XKR4: variants seen among roughly 807,000 people sequenced by gnomAD.
The protein encoded by XKR4 is XK related 4.
XKR4 carries 12 observed loss-of-function variants against 53.9 expected under a neutral mutation model. That is an observed-to-expected ratio of 0.22 (90% CI 0.14 to 0.36). The LOEUF is 0.36. XKR4 is among the 10% of genes least tolerant of loss of function. The probability of loss-of-function intolerance (pLI) is 1.00; values close to 1 mark genes in which losing one functional copy is unlikely to be tolerated. For missense variants in XKR4, 799 were observed against 859.5 expected (o/e 0.93, Z 0.88); for synonymous variants, 354 against 362.4 (o/e 0.98, Z 0.26).
intron 2 of XKR4, among the ~76,000 whole-genome samples, chr8:55,359,870 G>T (rs1039654451): frequency 1.3e-5 from 2 of 152,128 alleles, no homozygotes; most frequent in African/African-American, 4.8e-5. Flanking sequence ...TAGGAACCAA[G>T]AGTTAAGTTG....
chr8:55,453,324 G>T, intron 2 of XKR4: 1 of 480,746 alleles, frequency 2.1e-6, no homozygotes, highest in East Asian at 6.6e-5. Context: ...AAGTCAAACT[G>T]CTGGTGGTCC....
intron 2 of XKR4, among the ~76,000 whole-genome samples, chr8:55,514,983 C>T (rs1338377181): frequency 6.6e-6 from 1 of 152,144 alleles, no homozygotes; most frequent in Non-Finnish European, 1.5e-5. Flanking sequence ...TGGAATGGAG[C>T]TATGTGAGAT....
intron 1 of XKR4, among the ~76,000 whole-genome samples, chr8:55,324,200 A>G (rs1162572597): frequency 2.0e-5 from 3 of 152,114 alleles, no homozygotes; most frequent in Admixed American, 1.3e-4. Flanking sequence ...AACTCAAGCA[A>G]TCCTCCCACC....
At chr8:55,135,518 T>A (rs1358301891) in intron 1 of XKR4, 1 of 443,048 alleles carries the variant, frequency 2.3e-6, no homozygotes, top group East Asian at 7.1e-5. Context: ...TAATGTTAAC[T>A]CTTTTCCCTC....
intron 1 of XKR4, among the ~76,000 whole-genome samples, chr8:55,252,020 CA>C (rs1320894106): frequency 6.6e-5 from 10 of 152,314 alleles, no homozygotes; most frequent in African/African-American, 2.4e-4. Flanking sequence ...TGTATTTCTA[CA>C]GAAGTATCAG....
intron 1 of XKR4, among the ~76,000 whole-genome samples, chr8:55,117,994 C>A (rs890296057): frequency 6.6e-6 from 1 of 152,134 alleles, no homozygotes; most frequent in Non-Finnish European, 1.5e-5. Context: ...ATTTCCGGAT[C>A]TTTTCTAGTT....
chr8:55,305,638 T>C (rs1430112980), intron 1 of XKR4, among the ~76,000 whole-genome samples: 2 of 152,182 alleles, frequency 1.3e-5, no homozygotes, highest in African/African-American at 2.4e-5. Context: ...AGGATTAAAT[T>C]TGACATATTT....
rs527871233 is a variant in XKR4 at position 55,296,557 on chromosome 8, T to A, written c.807-61121T>A. Among the ~76,000 whole-genome samples the A allele has an allele frequency of 3.9e-5, 6 of 152,278 alleles. 1 individual carries two copies. In the South Asian group the frequency reaches 1.2e-3, roughly 32 times the overall value. ...TTTTTTTTCTTATGGAGAAAACAAATACAGATACCACACAGAAACCAAGCT... is the reference window on the plus strand; with the variant it reads ...TTTTTTTTCTTATGGAGAAAACAAAAACAGATACCACACAGAAACCAAGCT... On this transcript the variant is annotated intron_variant, in intron 1 of 2. Transcript: ENST00000327381.
At chr8:55,355,738 T>C (rs925996043) in intron 1 of XKR4, among the ~76,000 whole-genome samples, 1 of 152,198 alleles carries the variant, frequency 6.6e-6, no homozygotes, top group African/African-American at 2.4e-5. Flanking sequence ...AATAAATAAA[T>C]GGCAGATCTT....
chr8:55,269,596 T>G (rs1818658511), intron 1 of XKR4, among the ~76,000 whole-genome samples: 2 of 152,122 alleles, frequency 1.3e-5, no homozygotes, highest in South Asian at 4.1e-4. Flanking sequence ...GAGGAGGGAT[T>G]ATAAAGAGTT....
chr8:55,328,728 C>T (rs1763142218), intron 1 of XKR4, among the ~76,000 whole-genome samples: 1 of 152,184 alleles, frequency 6.6e-6, no homozygotes, highest in Non-Finnish European at 1.5e-5. Flanking sequence ...GAATGTGCCT[C>T]ACTCAACCCA....
chr8:55,507,747 C>A (rs984740793), intron 2 of XKR4, among the ~76,000 whole-genome samples: 4 of 152,046 alleles, frequency 2.6e-5, no homozygotes, highest in Non-Finnish European at 5.9e-5. Context: ...CCAGTCTATC[C>A]TTGTTGGACA....
chr8:55,419,763 G>T (rs964130828), intron 2 of XKR4, among the ~76,000 whole-genome samples: 2 of 152,202 alleles, frequency 1.3e-5, no homozygotes, highest in African/African-American at 2.4e-5. Context: ...CTTCAAGAAA[G>T]TTTTTGTTTG....
intron 1 of XKR4, among the ~76,000 whole-genome samples, chr8:55,195,661 T>A (rs567505390): frequency 1.3e-5 from 2 of 152,328 alleles, no homozygotes; most frequent in Admixed American, 1.3e-4. Flanking sequence ...ATTGTAGAAG[T>A]TAAAATTGAA....
At chr8:55,439,032 G>C (rs1186738729) in intron 2 of XKR4, among the ~76,000 whole-genome samples, 1 of 152,154 alleles carries the variant, frequency 6.6e-6, no homozygotes, top group African/African-American at 2.4e-5. Context: ...AAACAGTCTT[G>C]CATAGGGACC....
At chr8:55,395,813 TC>T (rs1804508536) in intron 2 of XKR4, among the ~76,000 whole-genome samples, 1 of 152,158 alleles carries the variant, frequency 6.6e-6, no homozygotes, top group African/African-American at 2.4e-5. Flanking sequence ...CTGCCTTAAA[TC>T]TTAGTCTGTT....
intron 1 of XKR4, among the ~76,000 whole-genome samples, chr8:55,140,952 AAC>A (rs1012973751): frequency 7.9e-5 from 12 of 152,196 alleles, no homozygotes; most frequent in African/African-American, 2.7e-4. Context: ...TTTTTTAATA[AAC>A]AGTTTTATTG....
chr8:55,295,024 C>A (rs1819082459), intron 1 of XKR4, among the ~76,000 whole-genome samples: 1 of 152,152 alleles, frequency 6.6e-6, no homozygotes, highest in Admixed American at 6.5e-5. Context: ...GCCAAATCAA[C>A]AAGACCAGTT....
At chr8:55,163,242 G>T (rs779651385) in intron 1 of XKR4, among the ~76,000 whole-genome samples, 2 of 152,182 alleles carry the variant, frequency 1.3e-5, no homozygotes, top group African/African-American at 2.4e-5. Context: ...GGAAAGAGAA[G>T]GCTTTTACTT....
Sources: gnomAD v4.1 joint callset for allele counts (sites outside exome capture counted in the v4.1 genomes callset) on GRCh38, gnomAD v4.1.1 for gene constraint, MANE v1.5 for transcripts, NCBI Gene and HGNC (gene_info 2026-07-23, HGNC 2026-07-21) for gene names.